SLC35F1: variants seen among roughly 807,000 people sequenced by gnomAD.
SLC35F1 encodes chromosome 6 open reading frame 169.
A neutral mutation model predicts 48.7 loss-of-function variants in SLC35F1; 14 were observed. That is an observed-to-expected ratio of 0.29 (90% CI 0.19 to 0.45). SLC35F1 has a LOEUF of 0.45. Among genes scored for constraint, SLC35F1 ranks in the 20% least tolerant of loss-of-function variants. The pLI, the probability that SLC35F1 is intolerant of heterozygous loss-of-function variation, is 1.00. For missense variants in SLC35F1, 404 were observed against 500.0 expected (o/e 0.81, Z 1.83); for synonymous variants, 190 against 202.2 (o/e 0.94, Z 0.51).
At chr6:117,965,895 G>C (rs1433253072) in intron 1 of SLC35F1, among the ~76,000 whole-genome samples, 2 of 152,034 alleles carry the variant, frequency 1.3e-5, no homozygotes, top group Non-Finnish European at 2.9e-5. Flanking sequence ...TGATCGGGTA[G>C]GGGACCTGGA....
chr6:118,272,750 C>CAT (rs71554898), intron 4 of SLC35F1, among the ~76,000 whole-genome samples: 26,454 of 122,474 alleles, frequency 0.22, 2,752 homozygotes, highest in African/African-American at 0.29. Flanking sequence ...TATATATATA[C>CAT]ATATATATAT....
intron 1 of SLC35F1, among the ~76,000 whole-genome samples, chr6:118,006,206 T>A (rs1777172441): frequency 6.6e-6 from 1 of 152,130 alleles, no homozygotes; most frequent in African/African-American, 2.4e-5. Flanking sequence ...GTAAAATAGA[T>A]CCTCAAAAAG....
rs1169392893 is a variant in SLC35F1, at chr6:118,315,122, T to C, written c.*870T>C. The C allele has an allele frequency of 1.3e-5, 2 of 152,644 alleles. No individual in the cohort carries two copies. Among genetic ancestry groups the C allele is most frequent in the Admixed American group, 1.3e-4 (2 of 15,286 alleles). The allele number at this position is 152,644 out of a possible 1,614,324, so 9.5% of individuals were successfully genotyped here. ...TAGCCTCTCTTCAAAAACTATCTTTTATTTTTTTTCCAGATTTCCTTAGTG... is the reference window on the plus strand; with the variant it reads ...TAGCCTCTCTTCAAAAACTATCTTTCATTTTTTTTCCAGATTTCCTTAGTG... On this transcript the variant is annotated 3_prime_UTR_variant, in exon 8 of 8. Coordinates refer to ENST00000360388, the MANE Select transcript of SLC35F1 (RefSeq NM_001029858.4).
At chr6:118,161,845 C>A (rs1451405241) in intron 2 of SLC35F1, among the ~76,000 whole-genome samples, 1 of 152,150 alleles carries the variant, frequency 6.6e-6, no homozygotes, top group Non-Finnish European at 1.5e-5. Context: ...GAAAGTCACA[C>A]AAGAAAATTA....
chr6:118,051,610 T>C (rs1772393366), intron 1 of SLC35F1, among the ~76,000 whole-genome samples: 2 of 152,128 alleles, frequency 1.3e-5, no homozygotes, highest in African/African-American at 4.8e-5. Context: ...AAATAATACT[T>C]ACTCCCTAGA....
At chr6:118,237,601 G>T (rs777890987) in intron 3 of SLC35F1, among the ~76,000 whole-genome samples, 1 of 152,072 alleles carries the variant, frequency 6.6e-6, no homozygotes, top group Non-Finnish European at 1.5e-5. Context: ...TGTTGCCCAG[G>T]CTGGTCTTGA....
intron 1 of SLC35F1, among the ~76,000 whole-genome samples, chr6:117,983,457 A>G (rs1776808721): frequency 6.6e-6 from 1 of 152,134 alleles, no homozygotes; most frequent in Admixed American, 6.5e-5. Flanking sequence ...GTTGCCTGTA[A>G]TCCCAGCTAC....
intron 1 of SLC35F1, among the ~76,000 whole-genome samples, chr6:118,142,990 C>T (rs539742528): frequency 6.6e-6 from 1 of 152,236 alleles, no homozygotes; most frequent in East Asian, 1.9e-4. Context: ...AAGTTAAATG[C>T]ATAATTGATT....
At chr6:117,963,098 T>C (rs1189392806) in intron 1 of SLC35F1, among the ~76,000 whole-genome samples, 1 of 152,158 alleles carries the variant, frequency 6.6e-6, no homozygotes, top group African/African-American at 2.4e-5. Flanking sequence ...CCGTGATTTA[T>C]CTACTTCCAA....
chr6:118,049,072 C>A (rs914754843), intron 1 of SLC35F1, among the ~76,000 whole-genome samples: 5 of 152,038 alleles, frequency 3.3e-5, no homozygotes, highest in African/African-American at 1.2e-4. Flanking sequence ...TATCTACAAC[C>A]ATCTGATCTT....
intron 3 of SLC35F1, among the ~76,000 whole-genome samples, chr6:118,262,028 T>C (rs764368375): frequency 3.3e-5 from 5 of 152,020 alleles, no homozygotes; most frequent in Non-Finnish European, 5.9e-5. Flanking sequence ...CGGGATACAA[T>C]TGGGGAGACA....
intron 2 of SLC35F1, among the ~76,000 whole-genome samples, chr6:118,219,684 A>T (rs916946855): frequency 6.6e-6 from 1 of 152,206 alleles, no homozygotes; most frequent in Non-Finnish European, 1.5e-5. Flanking sequence ...TACCCAAAGG[A>T]TTATAAATCA....
chr6:118,276,187 T>C (rs1418706327), intron 5 of SLC35F1, among the ~76,000 whole-genome samples: 1 of 152,214 alleles, frequency 6.6e-6, no homozygotes, highest in Non-Finnish European at 1.5e-5. Flanking sequence ...TTTGCAATAA[T>C]TCTACAACTG....
chr6:118,151,771 C>A (rs930429073), intron 1 of SLC35F1, among the ~76,000 whole-genome samples: 2 of 152,170 alleles, frequency 1.3e-5, no homozygotes, highest in Non-Finnish European at 1.5e-5. Context: ...CCTGCCTTAG[C>A]CTCCCAGAGT....
intron 1 of SLC35F1, among the ~76,000 whole-genome samples, chr6:118,061,072 C>T (rs543008390): frequency 7.9e-5 from 12 of 152,306 alleles, no homozygotes; most frequent in Non-Finnish European, 1.5e-4. Flanking sequence ...TCTTGATAAA[C>T]TTATTGACAA....
At chr6:118,133,061 C>G (rs1773739724) in intron 1 of SLC35F1, among the ~76,000 whole-genome samples, 1 of 152,090 alleles carries the variant, frequency 6.6e-6, no homozygotes. Flanking sequence ...TGAGATGTGT[C>G]TGGAAAGGCT....
rs886184016 is a variant in SLC35F1, at chr6:118,071,155, T to G, written c.174-83290T>G. On this transcript the variant is annotated intron_variant, in intron 1 of 7. Transcript: ENST00000360388. ...TATACATATATATACATTCTATGTATATACACACATAGAATATATATACTA... is the reference window on the plus strand; with the variant it reads ...TATACATATATATACATTCTATGTAGATACACACATAGAATATATATACTA... Among the ~76,000 whole-genome samples, 11 of 142,490 alleles carry G rather than the reference T, an allele frequency of 7.7e-5. No individual in the cohort carries two copies. The South Asian group carries it at 1.1e-3, about 14-fold the overall frequency. The allele number at this position is 142,490 out of a possible 152,430, so 93.5% of individuals were successfully genotyped here. A position where few individuals can be genotyped will look rare whatever the true frequency, so the allele number is the denominator to read the frequency against.
chr6:117,994,152 C>T (rs1259937564), intron 1 of SLC35F1, among the ~76,000 whole-genome samples: 1 of 152,070 alleles, frequency 6.6e-6, no homozygotes, highest in Non-Finnish European at 1.5e-5. Context: ...TGCCTATAAG[C>T]CAGGACCCTC....
At chr6:118,028,448 G>A (rs1771989403) in intron 1 of SLC35F1, among the ~76,000 whole-genome samples, 1 of 152,102 alleles carries the variant, frequency 6.6e-6, no homozygotes, top group Non-Finnish European at 1.5e-5. Flanking sequence ...ACAGGTAAGT[G>A]AGGGAGTGAA....
Sources: allele counts gnomAD v4.1 joint callset (sites outside exome capture counted in the v4.1 genomes callset), GRCh38; gene constraint gnomAD v4.1.1; transcripts MANE v1.5; gene names NCBI Gene and HGNC (gene_info 2026-07-23, HGNC 2026-07-21).